Variants in SLC9C2 observed in about 807,000 individuals in gnomAD.
SLC9C2 encodes solute carrier family 9 member C2 (putative).
In SLC9C2, 75 loss-of-function variants were observed where a neutral mutation model predicts 140.2. The observed-to-expected ratio is 0.53, with a 90% CI of 0.44 to 0.65. SLC9C2 has a LOEUF of 0.65. SLC9C2 is among the 30% of genes least tolerant of loss of function. SLC9C2 has a pLI of 0.00. For synonymous variants in SLC9C2, 375 were observed against 420.9 expected (o/e 0.89, Z 1.34); for missense variants, 1,074 against 1,331.8 (o/e 0.81, Z 3.01).
chr1:173,550,018 G>A (rs530438829), intron 11 of SLC9C2, among the ~76,000 whole-genome samples: 3 of 152,220 alleles, frequency 2.0e-5, no homozygotes, highest in Non-Finnish European at 4.4e-5. Flanking sequence ...AGGAAGGAAA[G>A]TGTGAGCAAG....
At position 173,526,647 on chromosome 1, in the gene SLC9C2, T is replaced by C; in HGVS notation, c.2365+16A>G. On this transcript the variant is annotated intron_variant, in intron 19 of 27. Transcript: ENST00000367714. ...TAAGGTATGACTTTAAGAACTCAGA[T>C]ACTTCAACTACCTACCTAATTCTTT... 1.5e-5 allele frequency: 23 copies of C among 1,579,888 alleles called. No homozygotes were observed. The highest frequency in any genetic ancestry group is 1.8e-5 in the Non-Finnish European group (21 of 1,166,784).
chr1:173,528,761 T>G (rs1026679856), intron 18 of SLC9C2, among the ~76,000 whole-genome samples: 1 of 152,166 alleles, frequency 6.6e-6, no homozygotes, highest in Non-Finnish European at 1.5e-5. Flanking sequence ...TTTAAATCCA[T>G]CTCCAGTTAA....
intron 23 of SLC9C2, among the ~76,000 whole-genome samples, chr1:173,511,034 T>C (rs1395527924): frequency 5.9e-4 from 54 of 91,518 alleles, no homozygotes; most frequent in Non-Finnish European, 9.9e-4. Flanking sequence ...TTTTCCTTTT[T>C]TTTTTTTTTT....
chr1:173,595,300 A>C (rs1415375865), intron 4 of SLC9C2, among the ~76,000 whole-genome samples: 1 of 152,026 alleles, frequency 6.6e-6, no homozygotes, highest in Non-Finnish European at 1.5e-5. Flanking sequence ...CATGTTCACC[A>C]CTTCACAATC....
chr1:173,520,768 G>A (rs898240226), intron 22 of SLC9C2, among the ~76,000 whole-genome samples: 1 of 152,146 alleles, frequency 6.6e-6, no homozygotes, highest in Non-Finnish European at 1.5e-5. Context: ...CCATATTAAG[G>A]ATTTGTCATT....
intron 4 of SLC9C2, among the ~76,000 whole-genome samples, chr1:173,593,618 T>A (rs1347450340): frequency 6.6e-6 from 1 of 152,144 alleles, no homozygotes; most frequent in Non-Finnish European, 1.5e-5. Flanking sequence ...TGGTATGATG[T>A]CTTCAAGAAA....
intron 8 of SLC9C2, among the ~76,000 whole-genome samples, chr1:173,573,684 A>G (rs1393920466): frequency 1.3e-5 from 2 of 152,184 alleles, no homozygotes; most frequent in Admixed American, 6.5e-5. Flanking sequence ...TGTAGTTGCT[A>G]CTAGTAGGTA....
intron 25 of SLC9C2, 67 bp from the exon 26 acceptor site, chr1:173,505,398 T>A (rs1038905009): frequency 3.3e-6 from 4 of 1,227,468 alleles, no homozygotes; most frequent in Non-Finnish European, 3.6e-6. Context: ...TGCTTCCTAA[T>A]CTTTCCAAAG....
chr1:173,517,181 ATT>A (rs796578643), intron 23 of SLC9C2, among the ~76,000 whole-genome samples: 4 of 152,360 alleles, frequency 2.6e-5, no homozygotes, highest in African/African-American at 9.6e-5. Flanking sequence ...ACAAATAAAT[ATT>A]CTTTAAAAAC....
chr1:173,542,242 T>C (rs970349911), intron 13 of SLC9C2, among the ~76,000 whole-genome samples: 62 of 152,154 alleles, frequency 4.1e-4, no homozygotes, highest in African/African-American at 1.4e-3. Context: ...TCTATGCAAA[T>C]AAACTAGAAA....
intron 22 of SLC9C2, among the ~76,000 whole-genome samples, chr1:173,519,666 T>A (rs1471058219): frequency 1.3e-5 from 2 of 152,218 alleles, no homozygotes; most frequent in African/African-American, 4.8e-5. Context: ...GTATCGGACT[T>A]GCCGTATTTC....
At chr1:173,560,135 T>G (rs567505578) in intron 9 of SLC9C2, among the ~76,000 whole-genome samples, 1 of 152,372 alleles carries the variant, frequency 6.6e-6, no homozygotes, top group Admixed American at 6.5e-5. Flanking sequence ...ATATAAACTC[T>G]TTATTTTGGA....
At chr1:173,571,063 A>G (rs1181849273) in intron 9 of SLC9C2, among the ~76,000 whole-genome samples, 1 of 152,168 alleles carries the variant, frequency 6.6e-6, no homozygotes, top group Non-Finnish European at 1.5e-5. Flanking sequence ...ATAGCTGTTA[A>G]AATGTGGTGT....
At chr1:173,597,284 A>G (rs1194419040) in intron 4 of SLC9C2, among the ~76,000 whole-genome samples, 4 of 152,106 alleles carry the variant, frequency 2.6e-5, no homozygotes, top group Non-Finnish European at 4.4e-5. Flanking sequence ...GTCAAAAAGT[A>G]TAAGAAAATG....
intron 27 of SLC9C2, among the ~76,000 whole-genome samples, 165 bp from the exon 28 acceptor site, chr1:173,501,262 A>G (rs974820291): frequency 2.0e-5 from 3 of 152,172 alleles, no homozygotes; most frequent in Non-Finnish European, 4.4e-5. Context: ...GATGCATATA[A>G]TTAATTACAT....
Position 173,505,297 on chromosome 1 carries a change from A to G in SLC9C2, c.3260T>C (p.Ile1087Thr). Residue 1087 changes from isoleucine to threonine, a missense_variant, in exon 26 of 28, where the codon ATA becomes ACA. By Grantham distance (89) the Ile-to-Thr change is moderately conservative. Transcript: ENST00000367714. The part of the protein sequence containing the change: ...QGTSDLSKLL[I>T]IQASELTQRN... ...TTGGGTAAGCTCAGATGCTTGGATT[A>G]TCAGCAGCTTGCTTAAATCAGAAGT... is the stretch of plus-strand genomic sequence containing the variant. 6.2e-7 allele frequency: 1 copy of G among 1,614,136 alleles called. No individual in the cohort carries two copies. The highest frequency in any genetic ancestry group is 2.2e-5 in the East Asian group (1 of 44,882).
intron 17 of SLC9C2, among the ~76,000 whole-genome samples, chr1:173,532,511 T>C (rs1463029814): frequency 6.6e-6 from 1 of 152,152 alleles, no homozygotes; most frequent in Admixed American, 6.5e-5. Flanking sequence ...TTAAGGAAAT[T>C]GAAGGCCACA....
intron 23 of SLC9C2, among the ~76,000 whole-genome samples, chr1:173,514,098 A>G (rs1043694756): frequency 6.6e-6 from 1 of 152,246 alleles, no homozygotes; most frequent in Non-Finnish European, 1.5e-5. Context: ...TGATTTTAGA[A>G]TAAGTGCCAT....
chr1:173,601,344 T>C (rs1200521333), intron 2 of SLC9C2, among the ~76,000 whole-genome samples: 1 of 152,212 alleles, frequency 6.6e-6, no homozygotes, highest in East Asian at 1.9e-4. Flanking sequence ...GACAACTTTA[T>C]AGTTATACTT....
Sources: allele counts gnomAD v4.1 joint callset (sites outside exome capture counted in the v4.1 genomes callset), GRCh38; gene constraint gnomAD v4.1.1; transcripts MANE v1.5; gene names NCBI Gene and HGNC (gene_info 2026-07-23, HGNC 2026-07-21).